Variants in CYRIA observed in about 807,000 individuals in gnomAD.
CYRIA encodes CYFIP related Rac1 interactor A, also known as CYFIP-related Rac1 interactor A.
A neutral mutation model predicts 43.9 loss-of-function variants in CYRIA; 15 were observed. The observed-to-expected ratio is 0.34, with a 90% CI of 0.23 to 0.53. CYRIA has a LOEUF of 0.53. CYRIA is among the 20% of genes least tolerant of loss of function. The pLI, the probability that CYRIA is intolerant of heterozygous loss-of-function variation, is 0.94. For synonymous variants in CYRIA, 117 were observed against 136.0 expected (o/e 0.86, Z 0.97); for missense variants, 236 against 394.2 (o/e 0.60, Z 3.40).
intron 1 of CYRIA, among the ~76,000 whole-genome samples, chr2:16,648,742 T>G (rs1669888492): frequency 6.6e-6 from 1 of 152,204 alleles, no homozygotes; most frequent in Non-Finnish European, 1.5e-5. Context: ...TAGTATGTAC[T>G]GAATATCTAC....
intron 3 of CYRIA, among the ~76,000 whole-genome samples, chr2:16,573,817 C>T (rs547014865): frequency 5.4e-4 from 83 of 152,302 alleles, no homozygotes; most frequent in African/African-American, 1.9e-3. Context: ...AACTGTAAGT[C>T]CATTAAACCT....
intron 2 of CYRIA, among the ~76,000 whole-genome samples, chr2:16,618,006 T>A (rs1195568333): frequency 6.6e-6 from 1 of 152,212 alleles, no homozygotes; most frequent in Non-Finnish European, 1.5e-5. Context: ...TTTATTTATT[T>A]TTAAATCTGC....
rs1168125382 is a variant in CYRIA, at chr2:16,565,693, G to A, written c.145C>T (p.Leu49Phe). Residue 49 changes from leucine (L) to phenylalanine (F), a missense_variant, in exon 4 of 12, where the codon CTT becomes TTT. Transcript: ENST00000381323. ...CCTTTGTAAGCCTGCAGGTCTGCAA[G>A]GATGCTCTCAGAATCCTGAAGGACG... ...SAVLQDSESI[L>F]ADLQAYKGAG... is the part of the protein sequence containing the mutation. 1.3e-6 allele frequency: 2 copies of A among 1,593,942 alleles called. No homozygotes were observed. The highest frequency in any genetic ancestry group is 1.7e-6 in the Non-Finnish European group (2 of 1,164,626).
At chr2:16,663,148 C>G (rs1670306601) in intron 1 of CYRIA, among the ~76,000 whole-genome samples, 1 of 152,162 alleles carries the variant, frequency 6.6e-6, no homozygotes, top group African/African-American at 2.4e-5. Flanking sequence ...TGAGATCTCC[C>G]AATAGAACTA....
chr2:16,576,000 G>T (rs1667332724), intron 3 of CYRIA, among the ~76,000 whole-genome samples: 1 of 152,128 alleles, frequency 6.6e-6, no homozygotes, highest in Admixed American at 6.5e-5. Flanking sequence ...TGTCATAATT[G>T]TGAGGCCTCC....
intron 1 of CYRIA, among the ~76,000 whole-genome samples, chr2:16,634,069 T>C (rs578017503): frequency 8.5e-5 from 13 of 152,278 alleles, no homozygotes; most frequent in African/African-American, 3.1e-4. Flanking sequence ...CACTGAGTCA[T>C]GGTCGAGGTG....
At chr2:16,586,866 G>T (rs1221212653) in intron 3 of CYRIA, among the ~76,000 whole-genome samples, 2 of 152,052 alleles carry the variant, frequency 1.3e-5, no homozygotes, top group African/African-American at 4.8e-5. Context: ...AAAAAAGACA[G>T]TTAACTGTGC....
At chr2:16,563,600 T>A (rs1666827536) in intron 5 of CYRIA, among the ~76,000 whole-genome samples, 1 of 152,222 alleles carries the variant, frequency 6.6e-6, no homozygotes, top group Non-Finnish European at 1.5e-5. Context: ...TTCTTGCATT[T>A]TACTCTATTA....
chr2:16,608,750 C>T (rs1025217748), intron 2 of CYRIA, among the ~76,000 whole-genome samples: 7 of 152,216 alleles, frequency 4.6e-5, no homozygotes, highest in African/African-American at 1.7e-4. Context: ...TCTGCGCCCC[C>T]TGCCTTGCAT....
chr2:16,601,946 C>A (rs1357985979), intron 2 of CYRIA, among the ~76,000 whole-genome samples: 2 of 152,128 alleles, frequency 1.3e-5, no homozygotes, highest in African/African-American at 2.4e-5. Flanking sequence ...GGGAACAGGG[C>A]AGTGTGAATG....
At chr2:16,558,194 T>C (rs1160495418) in intron 10 of CYRIA, among the ~76,000 whole-genome samples, 1 of 152,144 alleles carries the variant, frequency 6.6e-6, no homozygotes, top group Non-Finnish European at 1.5e-5. Flanking sequence ...TATGTCTTGA[T>C]TTTCTAAGTG....
At chr2:16,618,854 G>A (rs530998843) in intron 2 of CYRIA, among the ~76,000 whole-genome samples, 3 of 152,254 alleles carry the variant, frequency 2.0e-5, no homozygotes, top group South Asian at 4.1e-4. Context: ...CTGCTTGCCC[G>A]GTCCTGCATT....
At chr2:16,566,816 C>T (rs767783028) in intron 3 of CYRIA, among the ~76,000 whole-genome samples, 1 of 152,154 alleles carries the variant, frequency 6.6e-6, no homozygotes, top group Non-Finnish European at 1.5e-5. Flanking sequence ...ATTTATCTTG[C>T]AATTCCTATG....
intron 7 of CYRIA, 48 bp from the exon 8 acceptor site, chr2:16,561,325 A>G: frequency 6.6e-7 from 1 of 1,505,392 alleles, no homozygotes; most frequent in South Asian, 1.1e-5. Flanking sequence ...GAAAGTCCAA[A>G]TCCTCCAAAT....
At chr2:16,589,591 A>G (rs1468253293) in intron 2 of CYRIA, among the ~76,000 whole-genome samples, 24 of 152,092 alleles carry the variant, frequency 1.6e-4, no homozygotes, top group Non-Finnish European at 5.9e-5. Flanking sequence ...CTCATCTGTA[A>G]AATTAACTTT....
intron 3 of CYRIA, 37 bp from the exon 4 acceptor site, chr2:16,565,804 GT>G: frequency 6.6e-7 from 1 of 1,505,178 alleles, no homozygotes; most frequent in South Asian, 1.3e-5. Context: ...GAGTGCTGGT[GT>G]TTACAAATAG....
chr2:16,601,260 G>A (rs930320330), intron 2 of CYRIA, among the ~76,000 whole-genome samples: 1 of 152,130 alleles, frequency 6.6e-6, no homozygotes, highest in East Asian at 1.9e-4. Context: ...GCCACCCAAC[G>A]TGAAGAATAC....
intron 10 of CYRIA, among the ~76,000 whole-genome samples, chr2:16,558,640 CA>C (rs1666613934): frequency 6.6e-6 from 1 of 152,152 alleles, no homozygotes; most frequent in African/African-American, 2.4e-5. Context: ...AACTGTGCAC[CA>C]AAATCATGTG....
chr2:16,607,524 T>C (rs1668450106), intron 2 of CYRIA, among the ~76,000 whole-genome samples: 1 of 152,202 alleles, frequency 6.6e-6, no homozygotes, highest in African/African-American at 2.4e-5. Flanking sequence ...CTGAAGCTAC[T>C]CTGATCACTC....
Sources: gnomAD v4.1 joint callset for allele counts (sites outside exome capture counted in the v4.1 genomes callset) on GRCh38, gnomAD v4.1.1 for gene constraint, MANE v1.5 for transcripts, NCBI Gene and HGNC (gene_info 2026-07-23, HGNC 2026-07-21) for gene names.